EFCAB13: variants seen among roughly 807,000 people sequenced by gnomAD.
EFCAB13 encodes EF-hand calcium-binding domain-containing protein 13.
A neutral mutation model predicts 110.2 loss-of-function variants in EFCAB13; 91 were observed. That is an observed-to-expected ratio of 0.83 (90% CI 0.70 to 0.98). EFCAB13 has a LOEUF of 0.98. Among genes scored for constraint, EFCAB13 ranks in the 50% least tolerant of loss-of-function variants. The probability of loss-of-function intolerance (pLI) is 0.00; values close to 1 mark genes in which losing one functional copy is unlikely to be tolerated. For synonymous variants in EFCAB13, 323 were observed against 369.9 expected (o/e 0.87, Z 1.45); for missense variants, 968 against 1,119.4 (o/e 0.86, Z 1.93).
chr17:47,395,424 GTCT>G (rs1019204242), intron 16 of EFCAB13, among the ~76,000 whole-genome samples: 1 of 152,158 alleles, frequency 6.6e-6, no homozygotes, highest in Non-Finnish European at 1.5e-5. Context: ...CATTGAAATA[GTCT>G]TCTTTTTGTT....
At chr17:47,409,786 CT>C (rs2065824415) in intron 21 of EFCAB13, 95 bp downstream of exon 21, 1 of 957,596 alleles carries the variant, frequency 1.0e-6, no homozygotes, top group South Asian at 1.4e-5. Context: ...ATTTTTCCTG[CT>C]GACTTCAGCC....
chr17:47,422,473 G>A (rs1346271326), intron 23 of EFCAB13, among the ~76,000 whole-genome samples: 1 of 151,996 alleles, frequency 6.6e-6, no homozygotes, highest in Non-Finnish European at 1.5e-5. Context: ...ATAATTAATA[G>A]GTAGAAAAAA....
chr17:47,346,361 T>C (rs1322569743), intron 8 of EFCAB13, among the ~76,000 whole-genome samples: 1 of 152,114 alleles, frequency 6.6e-6, no homozygotes, highest in Non-Finnish European at 1.5e-5. Flanking sequence ...TCATTCATGT[T>C]ATTACATATT....
chr17:47,396,676 C>T (rs1567797924), intron 17 of EFCAB13, among the ~76,000 whole-genome samples: 1 of 152,140 alleles, frequency 6.6e-6, no homozygotes, highest in African/African-American at 2.4e-5. Flanking sequence ...AGCATGCTGT[C>T]AGGGGTCTTT....
In EFCAB13 at chr17:47,441,259, T is replaced by C. The variant is rs1412082089; in HGVS notation, c.*545T>C. 2 of 152,214 alleles carry C rather than the reference T, an allele frequency of 1.3e-5. No homozygotes were observed. 9.4% of individuals were successfully genotyped at this position (152,214 alleles called of 1,614,324 possible). On this transcript the variant is annotated 3_prime_UTR_variant, in exon 25 of 25. Coordinates refer to ENST00000331493, the MANE Select transcript of EFCAB13 (RefSeq NM_152347.5). ...CCTAGAAAAAATGGATTCTGATTGG[T>C]TCTGGTTGCAGTATTACAAATTCCA... is the stretch of plus-strand genomic sequence containing the variant.
chr17:47,426,920 T>G (rs1313507811), intron 23 of EFCAB13, among the ~76,000 whole-genome samples: 2 of 152,140 alleles, frequency 1.3e-5, no homozygotes, highest in Non-Finnish European at 2.9e-5. Flanking sequence ...TAAAAAGTTG[T>G]ATAGTTTACT....
chr17:47,377,853 A>G lies in EFCAB13; in HGVS notation c.1460A>G (p.Asn487Ser), dbSNP rs1284565874. 2 of 1,596,814 alleles carry G rather than the reference A, an allele frequency of 1.3e-6. No individual in the cohort carries two copies. Among genetic ancestry groups the G allele is most frequent in the East Asian group, 2.3e-5 (1 of 44,310 alleles). Residue 487 changes from asparagine (N) to serine (S), a missense_variant, in exon 13 of 25, where the codon AAT becomes AGT. Physicochemically the swap from Asn to Ser is conservative, Grantham distance 46 (BLOSUM62 1). Transcript: ENST00000331493. ...TCTATTTTGCCTTCAACAGGAATTA[A>G]TTTATTAGATGAAGAATTCCAGAAG... Reference protein sequence around the residue: ...LQSILPSTGINLLDEEFQKIV... With the variant: ...LQSILPSTGISLLDEEFQKIV...
intron 23 of EFCAB13, among the ~76,000 whole-genome samples, chr17:47,416,870 T>G (rs1904468980): frequency 6.6e-6 from 1 of 152,306 alleles, no homozygotes; most frequent in Non-Finnish European, 1.5e-5. Flanking sequence ...GATTGCTTAA[T>G]GAAAACGAAA....
At position 47,374,781 on chromosome 17, in the gene EFCAB13, A is replaced by G; in HGVS notation, c.1187A>G (p.Glu396Gly). The change falls in exon 12 of 25, where the codon GAG becomes GGG. Residue 396 changes from glutamate (E) to glycine (G), a missense_variant. Transcript: ENST00000331493. ...KNGINFKKHS[E>G]KGEIHDSKSK... ...GGCATAAACTTTAAAAAACATTCAG[A>G]GAAGGGTGAAATTCATGACTCAAAG... is the stretch of plus-strand genomic sequence containing the variant. The G allele has an allele frequency of 6.2e-7, 1 of 1,614,112 alleles. No homozygotes were observed. The highest frequency in any genetic ancestry group is 1.1e-5 in the South Asian group (1 of 91,084).
chr17:47,413,031 C>T (rs1332218908), intron 22 of EFCAB13, 115 bp downstream of exon 22: 1 of 1,081,540 alleles, frequency 9.2e-7, no homozygotes, highest in African/African-American at 1.6e-5. Context: ...CTTTTGGAGG[C>T]TTAGGTTGAT....
chr17:47,427,953 A>C (rs991684367), intron 23 of EFCAB13, among the ~76,000 whole-genome samples: 2 of 152,090 alleles, frequency 1.3e-5, no homozygotes, highest in African/African-American at 4.8e-5. Flanking sequence ...GCTTTAAAAA[A>C]GGGTTGCAAA....
intron 11 of EFCAB13, among the ~76,000 whole-genome samples, chr17:47,371,444 G>A (rs981257813): frequency 6.6e-6 from 1 of 152,060 alleles, no homozygotes; most frequent in Non-Finnish European, 1.5e-5. Flanking sequence ...TTCTGCATAT[G>A]GTTATCCACT....
intron 4 of EFCAB13, among the ~76,000 whole-genome samples, chr17:47,334,640 G>C (rs553879824): frequency 6.6e-6 from 1 of 152,336 alleles, no homozygotes; most frequent in South Asian, 2.1e-4. Context: ...TCCAGGCTGG[G>C]AGAGGTAGCT....
chr17:47,428,308 C>T (rs943878828), intron 23 of EFCAB13, among the ~76,000 whole-genome samples: 10 of 151,036 alleles, frequency 6.6e-5, no homozygotes, highest in African/African-American at 2.4e-4. Context: ...TTACTGAATC[C>T]CTGTCATGAT....
At chr17:47,420,675 C>T (rs1366224267) in intron 23 of EFCAB13, among the ~76,000 whole-genome samples, 416 of 56,670 alleles carry the variant, frequency 7.3e-3, no homozygotes, top group Middle Eastern at 0.011. Flanking sequence ...TCTGCCCGGC[C>T]GCCCCGTCTG....
chr17:47,380,881 T>TTG (rs986547534), intron 14 of EFCAB13, among the ~76,000 whole-genome samples: 11 of 95,686 alleles, frequency 1.1e-4, no homozygotes, highest in Admixed American at 2.2e-4. Context: ...TTGCTTCTTC[T>TTG]TTTTTTTTTT....
chr17:47,373,015 G>A (rs891019290), intron 11 of EFCAB13, among the ~76,000 whole-genome samples: 1 of 151,800 alleles, frequency 6.6e-6, no homozygotes, highest in Non-Finnish European at 1.5e-5. Flanking sequence ...CTACTCTTTT[G>A]TCTTTCTCTT....
chr17:47,377,430 G>A (rs913383503), intron 12 of EFCAB13, among the ~76,000 whole-genome samples: 8 of 152,108 alleles, frequency 5.3e-5, no homozygotes, highest in African/African-American at 1.9e-4. Flanking sequence ...CCGAAGTGCC[G>A]TGATTATAGG....
intron 23 of EFCAB13, among the ~76,000 whole-genome samples, chr17:47,418,972 A>G (rs1904541461): frequency 6.6e-6 from 1 of 152,224 alleles, no homozygotes. Flanking sequence ...GTAATAACCT[A>G]AACAGTAATT....
Sources: allele counts gnomAD v4.1 joint callset (sites outside exome capture counted in the v4.1 genomes callset), GRCh38; gene constraint gnomAD v4.1.1; transcripts MANE v1.5; gene names NCBI Gene and HGNC (gene_info 2026-07-23, HGNC 2026-07-21).